Variants in CCPG1 observed in about 807,000 individuals in gnomAD.
CCPG1 encodes the protein cell cycle progression protein 1.
A neutral mutation model predicts 81.3 loss-of-function variants in CCPG1; 46 were observed. The observed-to-expected ratio is 0.57, with a 90% confidence interval of 0.45 to 0.72. The LOEUF (loss-of-function observed/expected upper bound fraction) is 0.72, where lower values mean the gene tolerates loss of function less well. Among genes scored for constraint, CCPG1 ranks in the 30% least tolerant of loss-of-function variants. The pLI is 0.00. For missense variants in CCPG1, 902 were observed against 937.6 expected (o/e 0.96, Z 0.50); for synonymous variants, 330 against 305.2 (o/e 1.08, Z -0.85).
intron 6 of CCPG1, among the ~76,000 whole-genome samples, chr15:55,368,973 G>A (rs1421484176): frequency 4.6e-5 from 7 of 152,140 alleles, no homozygotes; most frequent in African/African-American, 1.2e-4. Context: ...GTAGCCAGGC[G>A]TGCTGGCGGA....
intron 1 of CCPG1, among the ~76,000 whole-genome samples, chr15:55,400,203 C>CAAAAAAAAA (rs61331208): frequency 6.1e-5 from 2 of 32,954 alleles, no homozygotes; most frequent in African/African-American, 3.2e-4. Flanking sequence ...TACTCTACCT[C>CAAAAAAAAA]AAAAAAAAAA....
chr15:55,405,066 A>C (rs2057191682), intron 1 of CCPG1, among the ~76,000 whole-genome samples: 1 of 152,020 alleles, frequency 6.6e-6, no homozygotes. Context: ...CTCTACTAAA[A>C]ATACAAAAAT....
intron 1 of CCPG1, among the ~76,000 whole-genome samples, chr15:55,392,779 AG>A (rs1213202318): frequency 5.3e-5 from 8 of 152,300 alleles, no homozygotes; most frequent in African/African-American, 1.9e-4. Context: ...GGCCTCTCAA[AG>A]TACTAGGATG....
At chr15:55,375,262 C>A (rs1295991253) in intron 5 of CCPG1, among the ~76,000 whole-genome samples, 1 of 151,340 alleles carries the variant, frequency 6.6e-6, no homozygotes, top group Non-Finnish European at 1.5e-5. Context: ...AGCCACCACG[C>A]CCAGCAACAG....
At chr15:55,390,451 C>A (rs948573583) in intron 1 of CCPG1, among the ~76,000 whole-genome samples, 8 of 56,218 alleles carry the variant, frequency 1.4e-4, no homozygotes, top group Non-Finnish European at 3.0e-4. Flanking sequence ...AGTACTCCTA[C>A]TGATTTATTC....
At position 55,356,208 on chromosome 15, in the gene CCPG1, C is replaced by A; in HGVS notation, c.*12G>T. ...TTTCTCTTACAGTTGTCTAATTTAA[C>A]TCAATTGTGAATCAGTATTGAGGAT... is the stretch of plus-strand genomic sequence containing the variant. On this transcript the variant is annotated 3_prime_UTR_variant, in exon 9 of 9. Transcript: ENST00000442196. 1 of 1,519,804 alleles carries A rather than the reference C, an allele frequency of 6.6e-7. No individual in the cohort carries two copies. Among genetic ancestry groups the A allele is most frequent in the Non-Finnish European group, 8.8e-7 (1 of 1,141,478 alleles). The allele number at this position is 1,519,804 out of a possible 1,614,324, so 94.1% of individuals were successfully genotyped here.
chr15:55,402,128 C>T (rs1595869276), intron 1 of CCPG1, among the ~76,000 whole-genome samples: 1 of 152,206 alleles, frequency 6.6e-6, no homozygotes, highest in East Asian at 1.9e-4. Context: ...CTAATGGTAG[C>T]TTACACTACT....
rs1445199745 is a variant in CCPG1 at position 55,360,575 on chromosome 15, G to T, written c.1198C>A (p.Leu400Ile). Residue 400 changes from leucine (L) to isoleucine (I), a missense_variant, in exon 8 of 9, where the codon CTC (leucine) becomes ATC (isoleucine). By Grantham distance (5) the Leu-to-Ile change is conservative. This residue lies in a region of CCPG1 where 746 missense variants were observed against 728.6 expected (regional missense o/e 1.02). Coordinates refer to ENST00000442196, the MANE Select transcript of CCPG1 (RefSeq NM_001204450.2). ...RLVTTALRGE[L>I]QQLSGSQLHG... ...AACTGACTACCACTTAACTGCTGGA[G>T]TTCCCCCCTTAAAGCCGTAGTTACT... is the stretch of plus-strand genomic sequence containing the variant. 1 of 1,614,068 alleles carries T rather than the reference G, an allele frequency of 6.2e-7. No individual in the cohort carries two copies. The highest frequency in any genetic ancestry group is 1.7e-5 in the Admixed American group (1 of 59,998).
In CCPG1 at chr15:55,397,343, TAA is replaced by T. The variant is rs367757920; in HGVS notation, c.-9-7912_-9-7911del. ...CGTTTTAGCTTTACACTCTGAGAAC[TAA>T]AAGTCACAGAAGCGTTTTGAGAAAA... On this transcript the variant is annotated intron_variant, in intron 1 of 8. Transcript: ENST00000442196. 1.8e-4 allele frequency among the ~76,000 whole-genome samples: 28 copies of T among 152,214 alleles called. 1 individual carries two copies. Among genetic ancestry groups the T allele is most frequent in the Middle Eastern group, 6.8e-3 (2 of 292 alleles).
chr15:55,375,209 A>C (rs545621303), intron 5 of CCPG1, among the ~76,000 whole-genome samples: 72 of 152,274 alleles, frequency 4.7e-4, no homozygotes, highest in Non-Finnish European at 8.5e-4. Context: ...GTTAATATGT[A>C]ATTTCTTTCT....
chr15:55,398,432 T>G (rs938938721), intron 1 of CCPG1, among the ~76,000 whole-genome samples: 3 of 152,140 alleles, frequency 2.0e-5, no homozygotes, highest in Non-Finnish European at 4.4e-5. Context: ...TGACCAAAGA[T>G]AAGCGAGTCA....
chr15:55,361,007 C>A (rs923086219), intron 7 of CCPG1, 63 bp from the exon 8 acceptor site: 6 of 1,419,876 alleles, frequency 4.2e-6, no homozygotes, highest in Non-Finnish European at 5.6e-6. Context: ...GAATTTAAAT[C>A]TTCAAGATAT....
At chr15:55,380,729 CTGGGGCCAGG>C (rs886497000) in intron 3 of CCPG1, among the ~76,000 whole-genome samples, 10 of 151,974 alleles carry the variant, frequency 6.6e-5, no homozygotes, top group African/African-American at 2.4e-4. Flanking sequence ...GGCCGGGGTG[CTGGGGCCAGG>C]CGCGGTGACT....
At chr15:55,406,954 C>A (rs944972198) in intron 1 of CCPG1, among the ~76,000 whole-genome samples, 5 of 150,582 alleles carry the variant, frequency 3.3e-5, no homozygotes, top group African/African-American at 5.0e-5. Context: ...GTGGGTCACG[C>A]CTGTAATCCC....
intron 1 of CCPG1, among the ~76,000 whole-genome samples, chr15:55,404,688 C>A (rs1467801738): frequency 6.6e-6 from 1 of 152,142 alleles, no homozygotes; most frequent in African/African-American, 2.4e-5. Flanking sequence ...ATCCAGCACT[C>A]TGGGAGGCTA....
chr15:55,393,614 T>C (rs1276064273), intron 1 of CCPG1, among the ~76,000 whole-genome samples: 1 of 152,022 alleles, frequency 6.6e-6, no homozygotes, highest in Non-Finnish European at 1.5e-5. Flanking sequence ...TGAGAAGACA[T>C]GAAAGGTTAT....
At chr15:55,381,299 C>T (rs1033501708) in intron 3 of CCPG1, among the ~76,000 whole-genome samples, 2 of 150,524 alleles carry the variant, frequency 1.3e-5, no homozygotes, top group Admixed American at 1.3e-4. Context: ...AAAAAAATAG[C>T]TGGGCATAGT....
rs1355801565 is a variant in CCPG1 at position 55,391,302 on chromosome 15, GACA to G, written c.-9-1872_-9-1870del. Among the ~76,000 whole-genome samples the G allele has an allele frequency of 5.9e-5, 9 of 152,144 alleles. No individual in the cohort carries two copies. In the East Asian group the frequency reaches 1.7e-3, roughly 30 times the overall value. Reference sequence around the variant, plus strand: ...GCTAATTTTTTGTATTTTTTGTAGAGACAACGTTTGGCCATGTTGGCCAGGCTG... The same window carrying G: ...GCTAATTTTTTGTATTTTTTGTAGAGACGTTTGGCCATGTTGGCCAGGCTG... On this transcript the variant is annotated intron_variant, in intron 1 of 8. Transcript: ENST00000442196.
intron 2 of CCPG1, among the ~76,000 whole-genome samples, chr15:55,387,950 G>A (rs1011056436): frequency 6.0e-5 from 9 of 149,998 alleles, no homozygotes; most frequent in African/African-American, 2.2e-4. Context: ...TCGGGAGTTC[G>A]AGACCAGCCT....
Sources: allele counts gnomAD v4.1 joint callset (sites outside exome capture counted in the v4.1 genomes callset), GRCh38; gene constraint gnomAD v4.1.1; regional missense constraint gnomAD v4.1.1; transcripts MANE v1.5; gene names NCBI Gene and HGNC (gene_info 2026-07-23, HGNC 2026-07-21).